GRM4: variants seen among roughly 807,000 people sequenced by gnomAD.
GRM4 encodes the protein metabotropic glutamate receptor 4.
Under a neutral mutation model 81.7 loss-of-function variants are expected in GRM4, and 28 were observed. The ratio of observed to expected loss-of-function variants is 0.34; its 90% CI spans 0.25 to 0.47. The LOEUF (loss-of-function observed/expected upper bound fraction) is 0.47. Ranked by LOEUF, GRM4 falls within the 20% of genes least tolerant of loss-of-function variation. The probability of loss-of-function intolerance (pLI) is 1.00; values close to 1 mark genes in which losing one functional copy is unlikely to be tolerated. For synonymous variants in GRM4, 488 were observed against 528.8 expected, an observed-to-expected ratio of 0.92 and a Z score of 1.06; for missense variants, 948 against 1,290.0, an observed-to-expected ratio of 0.73 and a Z score of 4.06.
chr6:34,134,473 C>T (rs529256919), intron 1 of GRM4, among the ~76,000 whole-genome samples: 1 of 152,244 alleles, frequency 6.6e-6, no homozygotes, highest in South Asian at 2.1e-4. Context: ...GAGCTGCTCA[C>T]TCTGAAGGCC....
At chr6:34,105,854 C>T (rs1250242974) in intron 2 of GRM4, 1 of 152,214 alleles carries the variant, frequency 6.6e-6, no homozygotes, top group Non-Finnish European at 1.5e-5. Context: ...TCTCACACAT[C>T]CCAAACCTGA....
intron 1 of GRM4, among the ~76,000 whole-genome samples, chr6:34,151,977 G>A (rs1259698566): frequency 1.3e-5 from 2 of 152,040 alleles, no homozygotes; most frequent in Admixed American, 1.3e-4. Flanking sequence ...TGCTTTTCAA[G>A]GGCCAGGGAC....
intron 5 of GRM4, among the ~76,000 whole-genome samples, chr6:34,057,360 C>T (rs934121934): frequency 2.0e-5 from 3 of 152,182 alleles, no homozygotes; most frequent in Non-Finnish European, 4.4e-5. Flanking sequence ...GAAAGCTCAG[C>T]GGGGCCACGT....
intron 1 of GRM4, among the ~76,000 whole-genome samples, chr6:34,153,688 C>A (rs143876569): frequency 0.02 from 3,023 of 152,258 alleles, 37 homozygotes; most frequent in Middle Eastern, 0.065. Flanking sequence ...GAGTTCAAGA[C>A]CAGCCTGACC....
rs74831140 is a variant in GRM4, at chr6:34,046,626, G to C, written c.1169-5878C>G. 1.0e-2 allele frequency among the ~76,000 whole-genome samples: 1,521 copies of C among 152,332 alleles called. 13 individuals are homozygous for C. Among genetic ancestry groups the C allele is most frequent in the Non-Finnish European group, 0.015 (1,041 of 68,026 alleles). The stretch of plus-strand genomic sequence containing the variant: ...AAATGCTCCAGCTCCGCCAGTCCTA[G>C]GCTGAGGGCTGCTCTCAGGGGCATG... On this transcript the variant is annotated intron_variant, in intron 6 of 10. Coordinates refer to ENST00000538487, the MANE Select transcript of GRM4 (RefSeq NM_000841.4).
At chr6:34,155,076 C>G (rs1322353038) in intron 1 of GRM4, 1 of 1,510,134 alleles carries the variant, frequency 6.6e-7, no homozygotes, top group Admixed American at 2.0e-5. Context: ...GCTTGTTTTT[C>G]ACCTGAGCAG....
chr6:34,095,449 T>A (rs943018118), intron 2 of GRM4, among the ~76,000 whole-genome samples: 1 of 148,176 alleles, frequency 6.7e-6, no homozygotes, highest in Admixed American at 6.9e-5. Context: ...GAAAAAAAAC[T>A]TGGGCAAGTT....
At chr6:34,134,739 C>T (rs1241751370) in intron 1 of GRM4, among the ~76,000 whole-genome samples, 2 of 147,718 alleles carry the variant, frequency 1.4e-5, no homozygotes, top group Non-Finnish European at 3.0e-5. Flanking sequence ...ACCCCCACTT[C>T]CTCCCTCTGA....
chr6:34,137,544 G>A (rs1048235590), intron 1 of GRM4, among the ~76,000 whole-genome samples: 4 of 151,858 alleles, frequency 2.6e-5, no homozygotes, highest in African/African-American at 9.7e-5. Flanking sequence ...TTTTGTGCAG[G>A]AACTCCAGGA....
intron 6 of GRM4, among the ~76,000 whole-genome samples, chr6:34,052,564 A>T (rs533272954): frequency 6.6e-6 from 1 of 152,360 alleles, no homozygotes; most frequent in East Asian, 1.9e-4. Flanking sequence ...TGAGCAGGGC[A>T]GGCCTGTGGG....
chr6:34,067,412 C>A (rs1766527272), intron 3 of GRM4, among the ~76,000 whole-genome samples: 1 of 121,828 alleles, frequency 8.2e-6, no homozygotes, highest in African/African-American at 3.3e-5. Context: ...GTCCTTCCCT[C>A]CCTCCCTCCG....
chr6:34,053,620 G>A (rs780510602), intron 6 of GRM4, among the ~76,000 whole-genome samples: 4 of 152,298 alleles, frequency 2.6e-5, no homozygotes, highest in Middle Eastern at 3.4e-3. Context: ...TAGGGCGCAC[G>A]CCTGATTTAG....
chr6:34,123,591 G>A (rs75839764), intron 2 of GRM4, among the ~76,000 whole-genome samples: 8,593 of 152,208 alleles, frequency 0.056, 424 homozygotes, highest in African/African-American at 0.13. Context: ...GCCACATGCC[G>A]CCTCCAGAGC....
intron 2 of GRM4, among the ~76,000 whole-genome samples, chr6:34,108,871 G>C (rs2499720): frequency 6.6e-6 from 1 of 151,718 alleles, no homozygotes; most frequent in African/African-American, 2.4e-5. Context: ...CTCCCGTCCT[G>C]TACCGGTGCA....
At chr6:34,103,080 C>A (rs1467911373) in intron 2 of GRM4, among the ~76,000 whole-genome samples, 15 of 152,210 alleles carry the variant, frequency 9.9e-5, no homozygotes, top group Non-Finnish European at 2.2e-4. Flanking sequence ...CACACCCTGT[C>A]CCCCACTGAC....
chr6:34,094,966 G>A (rs145325656), intron 2 of GRM4, among the ~76,000 whole-genome samples: 9 of 152,320 alleles, frequency 5.9e-5, no homozygotes, highest in African/African-American at 2.2e-4. Context: ...ATGGATGTCC[G>A]GGCATCCCCT....
chr6:34,037,313 C>A (rs973786903), intron 8 of GRM4, among the ~76,000 whole-genome samples: 1 of 152,212 alleles, frequency 6.6e-6, no homozygotes, highest in African/African-American at 2.4e-5. Context: ...TAGAGCCACA[C>A]GAGTGTTGTC....
rs1007908356 is a variant in GRM4 at position 34,092,547 on chromosome 6, C to G, written c.520-448G>C. Among the ~76,000 whole-genome samples, 5 of 152,030 alleles carry G rather than the reference C, an allele frequency of 3.3e-5. No individual in the cohort carries two copies. The highest frequency in any genetic ancestry group is 4.8e-5 in the African/African-American group (2 of 41,368). On this transcript the variant is annotated intron_variant, in intron 2 of 10. Transcript: ENST00000538487. The surrounding 1 kb of genome is among the most constrained non-coding windows in gnomAD (Gnocchi z 6.8). ...GGTCAGGACCCAGCAGACCCTGTCC[C>G]CACAGCTCTCTGCCAGCTCAGCCTC...
At chr6:34,029,061 G>T (rs1193825773) in intron 9 of GRM4, among the ~76,000 whole-genome samples, 1 of 152,210 alleles carries the variant, frequency 6.6e-6, no homozygotes, top group Non-Finnish European at 1.5e-5. Flanking sequence ...TACAATAGTA[G>T]AGCCTTCCAG....
Sources: gnomAD v4.1 joint callset for allele counts (sites outside exome capture counted in the v4.1 genomes callset) on GRCh38, gnomAD v4.1.1 for gene constraint, Gnocchi (gnomAD v3.1) non-coding constraint, MANE v1.5 for transcripts, NCBI Gene and HGNC (gene_info 2026-07-23, HGNC 2026-07-21) for gene names.